PSD3: variants seen among roughly 807,000 people sequenced by gnomAD.
PSD3 encodes the protein pleckstrin and Sec7 domain containing 3, also known as PH and SEC7 domain-containing protein 3.
In PSD3, 49 loss-of-function variants were observed where a neutral mutation model predicts 105.5. The ratio of observed to expected loss-of-function variants is 0.46; its 90% CI spans 0.37 to 0.59. The LOEUF (loss-of-function observed/expected upper bound fraction) is 0.59, where lower values mean the gene tolerates loss of function less well. Among genes scored for constraint, PSD3 ranks in the 20% least tolerant of loss-of-function variants. PSD3 has a pLI of 0.00. For missense variants in PSD3, 1,561 were observed against 1,263.8 expected (o/e 1.24, Z -3.57); for synonymous variants, 557 against 457.8 (o/e 1.22, Z -2.77).
rs141609200 is a variant in PSD3, at chr8:18,627,515, G to C, written c.2410+5098C>G. Among the ~76,000 whole-genome samples, 1,046 of 152,194 alleles carry C rather than the reference G, an allele frequency of 6.9e-3. 23 individuals are homozygous for C. Among genetic ancestry groups the C allele is most frequent in the African/African-American group, 0.024 (993 of 41,556 alleles). ...GAAGAATTTATGTTTTCATCAGCTA[G>C]AGTGGATAGACTGTGTAATACATGC... is the stretch of plus-strand genomic sequence containing the variant. On this transcript the variant is annotated intron_variant, in intron 11 of 15. Coordinates refer to ENST00000327040, the MANE Select transcript of PSD3 (RefSeq NM_015310.4).
At chr8:18,812,617 A>C (rs1001262292) in intron 4 of PSD3, among the ~76,000 whole-genome samples, 3 of 152,172 alleles carry the variant, frequency 2.0e-5, no homozygotes, top group Non-Finnish European at 4.4e-5. Context: ...GTCCTGAGCA[A>C]CTTCAAGGGT....
chr8:18,999,574 C>T (rs1269528141), intron 1 of PSD3, among the ~76,000 whole-genome samples: 1 of 151,690 alleles, frequency 6.6e-6, no homozygotes, highest in Non-Finnish European at 1.5e-5. Flanking sequence ...AGGTGTATTG[C>T]TAAATGGAAT....
At chr8:19,040,735 T>C (rs1443600767) in intron 1 of PSD3, among the ~76,000 whole-genome samples, 1 of 152,212 alleles carries the variant, frequency 6.6e-6, no homozygotes, top group African/African-American at 2.4e-5. Context: ...GTGCAAGTGA[T>C]GAGCTTACTG....
At position 18,804,893 on chromosome 8, in the gene PSD3, G is replaced by C. The variant is rs987962598; in HGVS notation, c.1640C>G (p.Ala547Gly). Reference protein sequence around the residue: ...TPEIAFWGSNAGVKTTRLEAH... With the variant: ...TPEIAFWGSNGGVKTTRLEAH... ...TTCTAGCCGTGTTGTTTTCACCCCAGCATTGCTATGATAATTGATAAAGAG... is the reference window on the plus strand; with the variant it reads ...TTCTAGCCGTGTTGTTTTCACCCCACCATTGCTATGATAATTGATAAAGAG... Residue 547 changes from alanine (A) to glycine (G), a missense_variant, in exon 5 of 16, where the codon GCT (alanine) becomes GGT (glycine). Physicochemically the swap from Ala to Gly is moderately conservative, Grantham distance 60 (BLOSUM62 0). Coordinates refer to ENST00000327040, the MANE Select transcript of PSD3 (RefSeq NM_015310.4). 6.3e-7 allele frequency: 1 copy of C among 1,596,148 alleles called. No homozygotes were observed. Among genetic ancestry groups the C allele is most frequent in the Admixed American group, 1.7e-5 (1 of 57,220 alleles).
intron 4 of PSD3, among the ~76,000 whole-genome samples, chr8:18,842,888 C>T (rs1256664887): frequency 1.3e-5 from 2 of 152,162 alleles, no homozygotes; most frequent in Non-Finnish European, 2.9e-5. Context: ...AGAAGCCTTC[C>T]TCAGAAGTTC....
At chr8:18,692,922 C>G (rs898782053) in intron 9 of PSD3, among the ~76,000 whole-genome samples, 5 of 152,262 alleles carry the variant, frequency 3.3e-5, no homozygotes, top group African/African-American at 9.6e-5. Flanking sequence ...CAAAGCTAAG[C>G]TCTGGGGCTG....
intron 11 of PSD3, among the ~76,000 whole-genome samples, chr8:18,607,782 A>G (rs958033903): frequency 6.6e-6 from 1 of 152,078 alleles, no homozygotes; most frequent in Non-Finnish European, 1.5e-5. Flanking sequence ...TAATTTATAA[A>G]GGGAAGAGGT....
chr8:18,703,206 A>G (rs62495797), intron 9 of PSD3, among the ~76,000 whole-genome samples: 4,370 of 152,216 alleles, frequency 0.029, 83 homozygotes, highest in African/African-American at 0.053. Flanking sequence ...TTTCTCCCCA[A>G]TGAATTAATA....
upstream of PSD3, among the ~76,000 whole-genome samples, chr8:19,016,687 C>T (rs1276424520): frequency 6.6e-6 from 1 of 152,160 alleles, no homozygotes; most frequent in Non-Finnish European, 1.5e-5. Flanking sequence ...ATACCACAGA[C>T]TAGGTAATTA....
At chr8:19,029,345 T>C in intron 1 of PSD3, among the ~76,000 whole-genome samples, 1 of 152,162 alleles carries the variant, frequency 6.6e-6, no homozygotes, top group East Asian at 1.9e-4. Context: ...TGTTCTACAG[T>C]TTTCAGTGTA....
chr8:18,918,537 G>A (rs780738293), intron 2 of PSD3, among the ~76,000 whole-genome samples: 8 of 152,158 alleles, frequency 5.3e-5, no homozygotes, highest in Non-Finnish European at 7.3e-5. Flanking sequence ...CACTGAATGC[G>A]TGTTGAAAAA....
At chr8:18,970,197 C>T (rs1415785788) in intron 1 of PSD3, among the ~76,000 whole-genome samples, 1 of 151,212 alleles carries the variant, frequency 6.6e-6, no homozygotes, top group African/African-American at 2.4e-5. Context: ...TGGTGGCGGG[C>T]ACCTGTAGTC....
chr8:18,540,633 C>A (rs1800102538), intron 15 of PSD3, among the ~76,000 whole-genome samples: 1 of 152,134 alleles, frequency 6.6e-6, no homozygotes, highest in Non-Finnish European at 1.5e-5. Flanking sequence ...CTGGACCGAG[C>A]TCATCACCTT....
chr8:18,625,465 GA>G (rs987873990), intron 11 of PSD3, among the ~76,000 whole-genome samples: 19 of 152,198 alleles, frequency 1.2e-4, no homozygotes, highest in African/African-American at 4.3e-4. Context: ...TGGTCAACCA[GA>G]AAATGCCTAC....
intron 4 of PSD3, among the ~76,000 whole-genome samples, chr8:18,856,283 A>G (rs1816000947): frequency 6.6e-6 from 1 of 152,160 alleles, no homozygotes; most frequent in South Asian, 2.1e-4. Flanking sequence ...TTATTTCTGA[A>G]GTTATCTGAT....
chr8:19,023,862 AAGGTAT>A, intron 1 of PSD3, among the ~76,000 whole-genome samples: 1 of 152,352 alleles, frequency 6.6e-6, no homozygotes, highest in Admixed American at 6.5e-5. Context: ...GTTTGGTCCC[AAGGTAT>A]CACATACATG....
In PSD3 at chr8:18,867,986, T is replaced by C; in HGVS notation, c.1322A>G (p.Tyr441Cys). The C allele has an allele frequency of 1.9e-6, 3 of 1,614,192 alleles. No homozygotes were observed. The highest frequency in any genetic ancestry group is 2.5e-6 in the Non-Finnish European group (3 of 1,180,022). ...PGYTEDSTDV[Y>C]SSQFETILDN... The stretch of plus-strand genomic sequence containing the variant: ...CAAAATGGTTTCAAACTGGGAGCTG[T>C]ACACGTCGGTGGAGTCCTCCGTATA... The change falls in exon 4 of 16, where the codon TAC becomes TGC. Residue 441 changes from tyrosine (Y) to cysteine (C), a missense_variant. Transcript: ENST00000327040.
chr8:18,601,460 A>G (rs1804434673), intron 11 of PSD3, among the ~76,000 whole-genome samples: 2 of 152,160 alleles, frequency 1.3e-5, no homozygotes, highest in Admixed American at 1.3e-4. Context: ...ATTATTGTCA[A>G]CCAAATCCTT....
intron 9 of PSD3, among the ~76,000 whole-genome samples, chr8:18,664,859 C>T (rs1799355261): frequency 6.6e-6 from 1 of 152,188 alleles, no homozygotes; most frequent in African/African-American, 2.4e-5. Flanking sequence ...CCTTACTCTG[C>T]CTTTGCTCTT....
Sources: allele counts gnomAD v4.1 joint callset (sites outside exome capture counted in the v4.1 genomes callset), GRCh38; gene constraint gnomAD v4.1.1; transcripts MANE v1.5; gene names NCBI Gene and HGNC (gene_info 2026-07-23, HGNC 2026-07-21).